SRBD1: variants seen among roughly 807,000 people sequenced by gnomAD.
SRBD1 encodes S1 RNA-binding domain-containing protein 1.
Under a neutral mutation model 115.3 loss-of-function variants are expected in SRBD1, and 88 were observed. The observed-to-expected ratio is 0.76, with a 90% confidence interval of 0.64 to 0.91. SRBD1 has a LOEUF of 0.91. Among genes scored for constraint, SRBD1 ranks in the 40% least tolerant of loss-of-function variants. SRBD1 has a pLI of 0.00. For missense variants in SRBD1, 1,385 were observed against 1,177.4 expected, an observed-to-expected ratio of 1.18 and a Z score of -2.58; for synonymous variants, 509 against 407.7, an observed-to-expected ratio of 1.25 and a Z score of -2.99.
chr2:45,540,272 C>T (rs1350506461), intron 14 of SRBD1, among the ~76,000 whole-genome samples: 1 of 151,112 alleles, frequency 6.6e-6, no homozygotes, highest in Admixed American at 6.6e-5. Flanking sequence ...ACCCAGGAGG[C>T]AGAGGCTGCA....
chr2:45,407,168 C>A (rs941071554), intron 19 of SRBD1, among the ~76,000 whole-genome samples: 2 of 152,152 alleles, frequency 1.3e-5, no homozygotes, highest in East Asian at 1.9e-4. Context: ...ATAGTACCAA[C>A]CTCACAGGGT....
At chr2:45,509,135 C>G (rs1670884694) in intron 14 of SRBD1, among the ~76,000 whole-genome samples, 1 of 152,120 alleles carries the variant, frequency 6.6e-6, no homozygotes, top group Non-Finnish European at 1.5e-5. Context: ...TAATTGATAT[C>G]AAGCAACCTA....
Position 45,389,275 on chromosome 2 carries a change from GA to G in SRBD1, c.*34del, listed in dbSNP as rs1666930334. On this transcript the variant is annotated 3_prime_UTR_variant, in exon 21 of 21. Coordinates refer to ENST00000263736, the MANE Select transcript of SRBD1 (RefSeq NM_018079.5). Reference sequence around the variant, plus strand: ...TATCCTTGTCAATCTGTGGAAATGAGAAAATAAAATCAGCGTCTGGCCTTCG... The same window carrying G: ...TATCCTTGTCAATCTGTGGAAATGAGAAATAAAATCAGCGTCTGGCCTTCG... The G allele has an allele frequency of 8.2e-6, 13 of 1,593,620 alleles. No homozygotes were observed. The highest frequency in any genetic ancestry group is 1.7e-4 in the Middle Eastern group (1 of 5,948).
intron 14 of SRBD1, among the ~76,000 whole-genome samples, chr2:45,514,409 A>G (rs573238988): frequency 6.6e-6 from 1 of 152,198 alleles, no homozygotes; most frequent in East Asian, 1.9e-4. Context: ...ATGAGTATGA[A>G]CCTCAAAAAA....
intron 16 of SRBD1, among the ~76,000 whole-genome samples, chr2:45,473,305 C>T (rs1169107286): frequency 2.6e-5 from 4 of 152,034 alleles, no homozygotes; most frequent in Non-Finnish European, 5.9e-5. Context: ...TACTTTTTAT[C>T]ATTTCTTTTT....
chr2:45,503,521 A>G (rs1274214758), intron 14 of SRBD1, among the ~76,000 whole-genome samples: 1 of 152,150 alleles, frequency 6.6e-6, no homozygotes, highest in Non-Finnish European at 1.5e-5. Flanking sequence ...TTATCTTGGC[A>G]TTTTTGTCTA....
At position 45,416,011 on chromosome 2, in the gene SRBD1, G is replaced by A. The variant is rs561328118; in HGVS notation, c.2333+2354C>T. Among the ~76,000 whole-genome samples, 7 of 152,090 alleles carry A rather than the reference G, an allele frequency of 4.6e-5. No homozygotes were observed. In the South Asian group the frequency reaches 1.2e-3, roughly 27 times the overall value. The stretch of plus-strand genomic sequence containing the variant: ...TGTACAACTTTGAAATCACTAAGGA[G>A]AGATAAAGATGAGATGGGAAAACAA... On this transcript the variant is annotated intron_variant, in intron 18 of 20. Coordinates refer to ENST00000263736, the MANE Select transcript of SRBD1 (RefSeq NM_018079.5).
At chr2:45,580,511 A>ATTTTTTTTTTT (rs1227093467) in intron 6 of SRBD1, among the ~76,000 whole-genome samples, 2 of 85,800 alleles carry the variant, frequency 2.3e-5, no homozygotes, top group Non-Finnish European at 2.2e-5. Flanking sequence ...ACGTCCAGCT[A>ATTTTTTTTTTT]TTTTTTTTTT....
At chr2:45,430,287 A>AAACT (rs746617268) in intron 16 of SRBD1, among the ~76,000 whole-genome samples, 14 of 152,192 alleles carry the variant, frequency 9.2e-5, no homozygotes, top group Non-Finnish European at 2.1e-4. Context: ...AATTAGAAAA[A>AAACT]AACTACTTTA....
chr2:45,417,327 CATA>C (rs368254920), intron 18 of SRBD1, among the ~76,000 whole-genome samples: 20 of 152,262 alleles, frequency 1.3e-4, no homozygotes, highest in African/African-American at 4.8e-4. Flanking sequence ...TGGCAGTTGT[CATA>C]ATATCATTTG....
intron 9 of SRBD1, among the ~76,000 whole-genome samples, chr2:45,567,352 A>T (rs1172649657): frequency 1.3e-5 from 2 of 152,194 alleles, no homozygotes; most frequent in Non-Finnish European, 1.5e-5. Context: ...GCTCATGCTC[A>T]TAATCCCAGC....
At chr2:45,527,980 A>C (rs1323635789) in intron 14 of SRBD1, among the ~76,000 whole-genome samples, 2 of 151,922 alleles carry the variant, frequency 1.3e-5, no homozygotes, top group Non-Finnish European at 2.9e-5. Flanking sequence ...TGTAAATAAT[A>C]GGAGCAGATC....
intron 16 of SRBD1, among the ~76,000 whole-genome samples, chr2:45,431,699 C>T (rs954904377): frequency 6.6e-6 from 1 of 151,990 alleles, no homozygotes; most frequent in Admixed American, 6.5e-5. Flanking sequence ...ATGGGTGCAG[C>T]GAACCACTAT....
In SRBD1 at chr2:45,530,008, G is replaced by C. The variant is rs571003809; in HGVS notation, c.1874+16724C>G. ...GAATATGACAATGGCAATGATGGCA[G>C]CAGCATGGTTTAAACAATGGAACTA... On this transcript the variant is annotated intron_variant, in intron 14 of 20. Transcript: ENST00000263736. Among the ~76,000 whole-genome samples the C allele has an allele frequency of 2.6e-5, 4 of 152,124 alleles. No homozygotes were observed. In the South Asian group the frequency reaches 8.3e-4, roughly 31 times the overall value.
chr2:45,502,720 C>T (rs973051490), intron 14 of SRBD1, among the ~76,000 whole-genome samples: 4 of 151,940 alleles, frequency 2.6e-5, no homozygotes, highest in Admixed American at 6.5e-5. Flanking sequence ...TTAGGATATA[C>T]CTAATGTAAA....
In SRBD1 at chr2:45,414,952, A is replaced by C. The variant is rs769513203; in HGVS notation, c.2334-1659T>G. On this transcript the variant is annotated intron_variant, in intron 18 of 20. Coordinates refer to ENST00000263736, the MANE Select transcript of SRBD1 (RefSeq NM_018079.5). ...ACACACAGTGTTATATAGTATGTAC[A>C]TACACACACATATAGTGTGTATATA... is the stretch of plus-strand genomic sequence containing the variant. Among the ~76,000 whole-genome samples, 7 of 94,236 alleles carry C rather than the reference A, an allele frequency of 7.4e-5. 2 individuals carry two copies. Among genetic ancestry groups the C allele is most frequent in the African/African-American group, 1.2e-4 (2 of 16,126 alleles). 61.8% of individuals were successfully genotyped at this position (94,236 alleles called of 152,430 possible). A position where few individuals can be genotyped will look rare whatever the true frequency, so the allele number is the denominator to read the frequency against.
intron 1 of SRBD1, among the ~76,000 whole-genome samples, chr2:45,610,423 A>G (rs1300503656): frequency 1.3e-5 from 2 of 152,194 alleles, no homozygotes; most frequent in Non-Finnish European, 2.9e-5. Context: ...AGCTGAAAGA[A>G]CCTGAGATCA....
intron 14 of SRBD1, among the ~76,000 whole-genome samples, chr2:45,489,347 A>G (rs1670223027): frequency 6.6e-6 from 1 of 152,200 alleles, no homozygotes; most frequent in Non-Finnish European, 1.5e-5. Context: ...AATTTAATGG[A>G]TGACATGTAA....
chr2:45,447,935 T>G (rs534117206), intron 16 of SRBD1: 1 of 152,204 alleles, frequency 6.6e-6, no homozygotes, highest in East Asian at 1.9e-4. Flanking sequence ...CTACTATACA[T>G]TTAAAATAAC....
Sources: allele counts gnomAD v4.1 joint callset (sites outside exome capture counted in the v4.1 genomes callset), GRCh38; gene constraint gnomAD v4.1.1; transcripts MANE v1.5; gene names NCBI Gene and HGNC (gene_info 2026-07-23, HGNC 2026-07-21).